TSGA10: variants seen among roughly 807,000 people sequenced by gnomAD.
TSGA10 encodes the protein testis specific 10.
In TSGA10, 43 loss-of-function variants were observed where a neutral mutation model predicts 96.6. That is an observed-to-expected ratio of 0.44 (90% CI 0.35 to 0.57). TSGA10 has a LOEUF of 0.57. Ranked by LOEUF, TSGA10 falls within the 20% of genes least tolerant of loss-of-function variation. TSGA10 has a pLI of 0.01. For synonymous variants in TSGA10, 229 were observed against 269.9 expected, an observed-to-expected ratio of 0.85 and a Z score of 1.48; for missense variants, 703 against 834.4, an observed-to-expected ratio of 0.84 and a Z score of 1.94.
At chr2:99,063,472 G>A (rs1247922372) in intron 16 of TSGA10, among the ~76,000 whole-genome samples, 2 of 152,118 alleles carry the variant, frequency 1.3e-5, no homozygotes, top group Non-Finnish European at 2.9e-5. Flanking sequence ...ATATCTTTAA[G>A]AGGATTATTA....
chr2:99,104,947 C>T (rs1252021961), intron 9 of TSGA10, among the ~76,000 whole-genome samples: 1 of 152,166 alleles, frequency 6.6e-6, no homozygotes, highest in East Asian at 1.9e-4. Context: ...TGATGTTTCA[C>T]ATTTAAATTT....
chr2:99,111,086 T>C (rs554501338), intron 4 of TSGA10, among the ~76,000 whole-genome samples, 171 bp from the exon 5 acceptor site: 10 of 152,086 alleles, frequency 6.6e-5, no homozygotes, highest in Admixed American at 3.3e-4. Flanking sequence ...AGATAAAAGA[T>C]GATTTACCCA....
chr2:99,033,204 G>A (rs1285074131), intron 17 of TSGA10, among the ~76,000 whole-genome samples: 1 of 152,192 alleles, frequency 6.6e-6, no homozygotes, highest in Non-Finnish European at 1.5e-5. Context: ...AATGTCACCT[G>A]AACTTAACAA....
rs143557429 is a variant in TSGA10 at position 99,025,301 on chromosome 2, C to T, written c.1615-4819G>A. Among the ~76,000 whole-genome samples, 90 of 152,304 alleles carry T rather than the reference C, an allele frequency of 5.9e-4. 4 individuals are homozygous for T. The East Asian group carries it at 0.016, about 27-fold the overall frequency. On this transcript the variant is annotated intron_variant, in intron 17 of 20. Transcript: ENST00000393483. Reference sequence around the variant, plus strand: ...AGTTTAAAAATTTCTATTTTCACCTCTTTAGGTTACAGGTTTATTCAGATT... The same window carrying T: ...AGTTTAAAAATTTCTATTTTCACCTTTTTAGGTTACAGGTTTATTCAGATT...
In TSGA10 at chr2:99,020,333, T is replaced by G; in HGVS notation, c.1764A>C (p.Lys588Asn). ...CTTTAAGAAGCTGAATTTCAGATTC[T>G]TTTTCTTGAAGTGCTATCTGAGACT... ...EYQSQIALQE[K>N]ESEIQLLKEH... Residue 588 changes from lysine (K) to asparagine (N), a missense_variant, in exon 18 of 21, where the codon AAA becomes AAC. Transcript: ENST00000393483. The G allele has an allele frequency of 6.2e-7, 1 of 1,613,888 alleles. No homozygotes were observed. The highest frequency in any genetic ancestry group is 8.5e-7 in the Non-Finnish European group (1 of 1,179,852).
intron 4 of TSGA10, chr2:99,117,119 G>A (rs1479904321): frequency 6.6e-6 from 1 of 152,178 alleles, no homozygotes; most frequent in Non-Finnish European, 1.5e-5. Flanking sequence ...ATACCCGGCT[G>A]CGGTGTTGCT....
intron 16 of TSGA10, among the ~76,000 whole-genome samples, chr2:99,052,992 A>G (rs966708348): frequency 4.6e-5 from 7 of 151,338 alleles, no homozygotes; most frequent in African/African-American, 1.7e-4. Context: ...AGCCCGAGAG[A>G]CAGATATTGC....
chr2:99,034,247 CA>C (rs1478911068), intron 17 of TSGA10, among the ~76,000 whole-genome samples: 1 of 151,744 alleles, frequency 6.6e-6, no homozygotes, highest in Non-Finnish European at 1.5e-5. Context: ...ACTAAAAATA[CA>C]AAAATCAGCC....
chr2:98,998,098 G>A lies in TSGA10; in HGVS notation c.*99C>T, dbSNP rs2077595656. ...AAAGTTAATAAATACATTTAACATT[G>A]CCAAGCATTTAAAAGATAAATGCAC... On this transcript the variant is annotated 3_prime_UTR_variant, in exon 21 of 21. Transcript: ENST00000393483. The A allele has an allele frequency of 3.0e-6, 3 of 987,362 alleles. No homozygotes were observed. Among genetic ancestry groups the A allele is most frequent in the African/African-American group, 3.3e-5 (2 of 60,798 alleles). 61.2% of individuals were successfully genotyped at this position (987,362 alleles called of 1,614,324 possible).
rs56120844 is a variant in TSGA10 at position 99,136,009 on chromosome 2, C to CAAAAA, written c.-620-8838_-620-8834dup. Among the ~76,000 whole-genome samples, 22 of 125,782 alleles carry CAAAAA rather than the reference C, an allele frequency of 1.7e-4. 1 individual carries two copies. The highest frequency in any genetic ancestry group is 4.9e-4 in the African/African-American group (17 of 34,418). The allele number at this position is 125,782 out of a possible 152,430, so 82.5% of individuals were successfully genotyped here. A position where few individuals can be genotyped will look rare whatever the true frequency, so the allele number is the denominator to read the frequency against. On this transcript the variant is annotated intron_variant, in intron 1 of 20. Transcript: ENST00000393483. Reference sequence around the variant, plus strand: ...GGGGGACAAGAGCGAGACTTCGTACCAAAAAAAAAAAAGGGTCTGCATCAT... The same window carrying CAAAAA: ...GGGGGACAAGAGCGAGACTTCGTACCAAAAAAAAAAAAAAAAAGGGTCTGCATCAT...
Position 99,059,513 on chromosome 2 carries a change from C to T in TSGA10, c.1404+5426G>A, listed in dbSNP as rs183064351. On this transcript the variant is annotated intron_variant, in intron 16 of 20. Coordinates refer to ENST00000393483, the MANE Select transcript of TSGA10 (RefSeq NM_025244.4). Reference sequence around the variant, plus strand: ...AATTAGCCAGGCATAGTGGCAGGCACCTGTAATCCCAGCTACTCGGGAGGC... The same window carrying T: ...AATTAGCCAGGCATAGTGGCAGGCATCTGTAATCCCAGCTACTCGGGAGGC... Among the ~76,000 whole-genome samples, 1,489 of 152,046 alleles carry T rather than the reference C, an allele frequency of 9.8e-3. 9 individuals are homozygous for T. The highest frequency in any genetic ancestry group is 0.027 in the Middle Eastern group (8 of 292).
At chr2:99,040,142 T>G (rs1383473339) in intron 16 of TSGA10, among the ~76,000 whole-genome samples, 1 of 152,194 alleles carries the variant, frequency 6.6e-6, no homozygotes, top group Non-Finnish European at 1.5e-5. Context: ...AAGCCATCTA[T>G]GACAAACCCA....
At chr2:99,087,528 T>A (rs558654367) in intron 10 of TSGA10, among the ~76,000 whole-genome samples, 456 of 151,820 alleles carry the variant, frequency 3.0e-3, no homozygotes, top group South Asian at 5.8e-3. Context: ...AAAAATAAAA[T>A]TTTTTTTAAA....
At chr2:99,060,763 G>A (rs1414214073) in intron 16 of TSGA10, among the ~76,000 whole-genome samples, 1 of 151,448 alleles carries the variant, frequency 6.6e-6, no homozygotes, top group Admixed American at 6.6e-5. Context: ...AGAGAGTATA[G>A]AAACAGATCC....
At chr2:99,040,163 T>C (rs1454549895) in intron 16 of TSGA10, among the ~76,000 whole-genome samples, 1 of 152,012 alleles carries the variant, frequency 6.6e-6, no homozygotes, top group African/African-American at 2.4e-5. Flanking sequence ...CAGACAATAT[T>C]ACCGAATGGG....
intron 1 of TSGA10, among the ~76,000 whole-genome samples, chr2:99,144,598 G>A (rs1314178996): frequency 7.4e-6 from 1 of 135,376 alleles, no homozygotes; most frequent in Admixed American, 8.7e-5. Context: ...GCGGTAAGCC[G>A]AGATCGTGCC....
chr2:99,057,153 A>G (rs1351649721), intron 16 of TSGA10, among the ~76,000 whole-genome samples: 1 of 152,128 alleles, frequency 6.6e-6, no homozygotes, highest in African/African-American at 2.4e-5. Context: ...TCCCCCTAAA[A>G]TCAGGAACAA....
At chr2:99,096,162 C>T (rs1442859937) in intron 10 of TSGA10, among the ~76,000 whole-genome samples, 2 of 152,084 alleles carry the variant, frequency 1.3e-5, no homozygotes, top group African/African-American at 4.8e-5. Context: ...TTATTGAGTA[C>T]ATTGTAAATT....
chr2:99,148,585 A>G (rs1044262371), intron 1 of TSGA10, among the ~76,000 whole-genome samples: 5 of 152,242 alleles, frequency 3.3e-5, no homozygotes, highest in African/African-American at 1.2e-4. Context: ...TTCTTTAGAA[A>G]TGTTCAGTCA....
Sources: allele counts gnomAD v4.1 joint callset (sites outside exome capture counted in the v4.1 genomes callset), GRCh38; gene constraint gnomAD v4.1.1; transcripts MANE v1.5; gene names NCBI Gene and HGNC (gene_info 2026-07-23, HGNC 2026-07-21).